The following GLUD1 variants were observed in gnomAD, a reference collection of about 807,000 sequenced individuals.
GLUD1 encodes glutamate dehydrogenase 1, mitochondrial.
GLUD1 carries 22 observed loss-of-function variants against 56.0 expected under a neutral mutation model. The ratio of observed to expected loss-of-function variants is 0.39; its 90% CI spans 0.28 to 0.56. The LOEUF (loss-of-function observed/expected upper bound fraction) is 0.56, where lower values mean the gene tolerates loss of function less well. GLUD1 is among the 20% of genes least tolerant of loss of function. The pLI is 0.58. For missense variants in GLUD1, 451 were observed against 732.0 expected, an observed-to-expected ratio of 0.62 and a Z score of 4.43; for synonymous variants, 223 against 269.9, an observed-to-expected ratio of 0.83 and a Z score of 1.70.
At chr10:87,073,083 A>G (rs1846282967) in intron 4 of GLUD1, among the ~76,000 whole-genome samples, 2 of 152,214 alleles carry the variant, frequency 1.3e-5, no homozygotes, top group Non-Finnish European at 2.9e-5. Context: ...TTTCTATATT[A>G]GGTTATTTCA....
chr10:87,080,042 A>AT (rs888783486), intron 1 of GLUD1, among the ~76,000 whole-genome samples: 128 of 151,078 alleles, frequency 8.5e-4, no homozygotes, highest in Non-Finnish European at 1.6e-3. Context: ...TCCCTGCCTG[A>AT]TTCTCCTGCC....
At position 87,068,143 on chromosome 10, in the gene GLUD1, C is replaced by A; in HGVS notation, c.661G>T (p.Val221Leu). The A allele has an allele frequency of 6.2e-7, 1 of 1,611,424 alleles. No individual in the cohort carries two copies. Among genetic ancestry groups the A allele is most frequent in the Non-Finnish European group, 8.5e-7 (1 of 1,177,554 alleles). Residue 221 changes from valine to leucine, a missense_variant, in exon 5 of 13, where the codon GTG becomes TTG. This residue lies in a region of GLUD1 where 248 missense variants were observed against 460.0 expected (regional missense o/e 0.54). Transcript: ENST00000277865. ...CCTGTGCTCATGTCTGGAGCAGGCACATCAATGCCAGGACCTGCGGGGGCA... is the reference window on the plus strand; with the variant it reads ...CCTGTGCTCATGTCTGGAGCAGGCAAATCAATGCCAGGACCTGCGGGGGCA... Reference protein sequence around the residue: ...KKGFIGPGIDVPAPDMSTGER... With the variant: ...KKGFIGPGIDLPAPDMSTGER...
chr10:87,051,907 G>T, intron 12 of GLUD1, 37 bp from the exon 13 acceptor site: 1 of 1,613,368 alleles, frequency 6.2e-7, no homozygotes, highest in South Asian at 1.1e-5. Flanking sequence ...AGATGATCCT[G>T]ACTCAAGTGG....
At chr10:87,062,938 T>C in intron 5 of GLUD1, 103 bp from the exon 6 acceptor site, 10 of 1,057,120 alleles carry the variant, frequency 9.5e-6, no homozygotes, top group Non-Finnish European at 1.4e-5. Context: ...TAATCAAAAA[T>C]ATGCTAATTA....
chr10:87,077,834 C>T (rs1846442828), intron 1 of GLUD1, among the ~76,000 whole-genome samples: 1 of 152,064 alleles, frequency 6.6e-6, no homozygotes, highest in African/African-American at 2.4e-5. Flanking sequence ...TACCCTCCCA[C>T]TCCCAACAGA....
chr10:87,071,243 A>G (rs1216541064), intron 4 of GLUD1, among the ~76,000 whole-genome samples: 1 of 151,760 alleles, frequency 6.6e-6, no homozygotes, highest in African/African-American at 2.4e-5. Flanking sequence ...CCCAGGCTGG[A>G]GTACAATGGC....
chr10:87,083,131 C>G (rs1394816667), intron 1 of GLUD1, among the ~76,000 whole-genome samples: 1 of 151,364 alleles, frequency 6.6e-6, no homozygotes, highest in East Asian at 1.9e-4. Flanking sequence ...GTCCCATACT[C>G]ACAAGGCTAA....
intron 6 of GLUD1, 72 bp downstream of exon 6, chr10:87,062,584 T>C (rs940227717): frequency 3.6e-6 from 4 of 1,115,686 alleles, no homozygotes; most frequent in Non-Finnish European, 5.3e-6. Flanking sequence ...AAAATTACAA[T>C]TCTAAAAACA....
rs1447204958 is a variant in GLUD1, at chr10:87,050,894, A to G, written c.*857T>C. On this transcript the variant is annotated 3_prime_UTR_variant, in exon 13 of 13. Coordinates refer to ENST00000277865, the MANE Select transcript of GLUD1 (RefSeq NM_005271.5). ...GTCAACCATAGATCTTCAAAAGAGA[A>G]CAATTAGTTAACATGATAAAAAGTG... 1 of 152,268 alleles carries G rather than the reference A, an allele frequency of 6.6e-6. No individual in the cohort carries two copies. Among genetic ancestry groups the G allele is most frequent in the Non-Finnish European group, 1.5e-5 (1 of 68,036 alleles). 9.4% of individuals were successfully genotyped at this position (152,268 alleles called of 1,614,324 possible). A position where few individuals can be genotyped will look rare whatever the true frequency, so the allele number is the denominator to read the frequency against.
At chr10:87,071,822 C>T (rs1846246289) in intron 4 of GLUD1, among the ~76,000 whole-genome samples, 1 of 152,224 alleles carries the variant, frequency 6.6e-6, no homozygotes, top group Admixed American at 6.5e-5. Context: ...ACCAATGTCA[C>T]TTACAATAGC....
intron 1 of GLUD1, among the ~76,000 whole-genome samples, chr10:87,077,015 G>C (rs536020030): frequency 4.6e-5 from 7 of 151,734 alleles, no homozygotes; most frequent in African/African-American, 1.7e-4. Flanking sequence ...CTTTTTTTTG[G>C]GGGGGTAGGG....
intron 1 of GLUD1, chr10:87,092,601 G>A: frequency 2.0e-6 from 2 of 977,378 alleles, no homozygotes; most frequent in Non-Finnish European, 2.4e-6. Flanking sequence ...TAAACGAGTT[G>A]CTTCAGTGAG....
rs1449968149 is a variant in GLUD1, at chr10:87,050,466, A to G, written c.*1285T>C. ...AAAAGAGAAACTACCACATGTAAAA[A>G]CACAGAAAAGAAACGTAAGTTTTGG... On this transcript the variant is annotated 3_prime_UTR_variant, in exon 13 of 13. Coordinates refer to ENST00000277865, the MANE Select transcript of GLUD1 (RefSeq NM_005271.5). 1.3e-5 allele frequency: 2 copies of G among 152,216 alleles called. No individual in the cohort carries two copies. Among genetic ancestry groups the G allele is most frequent in the Non-Finnish European group, 2.9e-5 (2 of 68,042 alleles). 9.4% of individuals were successfully genotyped at this position (152,216 alleles called of 1,614,324 possible).
Position 87,051,481 on chromosome 10 carries a change from G to T in GLUD1, c.*270C>A. On this transcript the variant is annotated 3_prime_UTR_variant, in exon 13 of 13. Coordinates refer to ENST00000277865, the MANE Select transcript of GLUD1 (RefSeq NM_005271.5). Reference sequence around the variant, plus strand: ...AAAAGCCACAGAGCAAGGCTGCACAGCCAGATAAAGGAGGCTTTTTATTTA... The same window carrying T: ...AAAAGCCACAGAGCAAGGCTGCACATCCAGATAAAGGAGGCTTTTTATTTA... 2 of 488,232 alleles carry T rather than the reference G, an allele frequency of 4.1e-6. No individual in the cohort carries two copies. Among genetic ancestry groups the T allele is most frequent in the Non-Finnish European group, 7.8e-6 (2 of 258,026 alleles). 30.2% of individuals were successfully genotyped at this position (488,232 alleles called of 1,614,324 possible). A position where few individuals can be genotyped will look rare whatever the true frequency, so the allele number is the denominator to read the frequency against.
intron 1 of GLUD1, among the ~76,000 whole-genome samples, chr10:87,091,812 G>A (rs1189708483): frequency 6.6e-6 from 1 of 151,726 alleles, no homozygotes; most frequent in Non-Finnish European, 1.5e-5. Context: ...GGGAAAATGA[G>A]ATACAGAAAG....
chr10:87,086,698 G>C (rs1017642920), intron 1 of GLUD1, among the ~76,000 whole-genome samples: 2 of 151,832 alleles, frequency 1.3e-5, no homozygotes, highest in African/African-American at 2.4e-5. Flanking sequence ...CAGCGTGGCG[G>C]TGGGCGCCTG....
Position 87,070,548 on chromosome 10 carries a change from G to A in GLUD1, c.647-2391C>T, listed in dbSNP as rs557113688. Among the ~76,000 whole-genome samples the A allele has an allele frequency of 1.8e-4, 28 of 152,228 alleles. No homozygotes were observed. The East Asian group carries it at 5.2e-3, about 28-fold the overall frequency. On this transcript the variant is annotated intron_variant, in intron 4 of 12. Coordinates refer to ENST00000277865, the MANE Select transcript of GLUD1 (RefSeq NM_005271.5). ...AGGGAGGCAGACGTTGCAGTGAGCC[G>A]AGATCACGCCACTGAGCTCCAGCCT...
intron 5 of GLUD1, 31 bp from the exon 6 acceptor site, chr10:87,062,866 T>C (rs1339000691): frequency 1.3e-6 from 2 of 1,594,044 alleles, no homozygotes; most frequent in Admixed American, 1.7e-5. Context: ...AAGAATGAAA[T>C]GTCAAGTCCA....
chr10:87,080,983 CCCCGCCCGG>C (rs1841223923), intron 1 of GLUD1, among the ~76,000 whole-genome samples: 1 of 137,808 alleles, frequency 7.3e-6, no homozygotes, highest in Non-Finnish European at 1.6e-5. Context: ...GGGGTCAGCC[CCCCGCCCGG>C]CCAGCCGCCC....
Sources: allele counts gnomAD v4.1 joint callset (sites outside exome capture counted in the v4.1 genomes callset), GRCh38; gene constraint gnomAD v4.1.1; regional missense constraint gnomAD v4.1.1; transcripts MANE v1.5; gene names NCBI Gene and HGNC (gene_info 2026-07-23, HGNC 2026-07-21).